Variants in SLC15A1 observed in about 807,000 individuals in gnomAD.
SLC15A1 encodes the protein solute carrier family 15 member 1, also known as Caco-2 oligopeptide transporter.
In SLC15A1, 83 loss-of-function variants were observed where a neutral mutation model predicts 92.9. The ratio of observed to expected loss-of-function variants is 0.89; its 90% confidence interval spans 0.75 to 1.07. SLC15A1 has a LOEUF of 1.07. Among genes scored for constraint, SLC15A1 ranks in the 50% least tolerant of loss-of-function variants. SLC15A1 has a pLI of 0.00. For synonymous variants in SLC15A1, 322 were observed against 318.2 expected (o/e 1.01, Z -0.13); for missense variants, 857 against 880.1 (o/e 0.97, Z 0.33).
intron 11 of SLC15A1, among the ~76,000 whole-genome samples, 180 bp from the exon 12 acceptor site, chr13:98,710,091 T>C (rs561206154): frequency 8.5e-5 from 13 of 152,196 alleles, no homozygotes; most frequent in Non-Finnish European, 1.8e-4. Flanking sequence ...AAGAAACCAG[T>C]TGCATTTCTA....
At position 98,702,492 on chromosome 13, in the gene SLC15A1, T is replaced by G; in HGVS notation, c.1454A>C (p.Glu485Ala). The G allele has an allele frequency of 6.2e-7, 1 of 1,608,134 alleles. No individual in the cohort carries two copies. The highest frequency in any genetic ancestry group is 8.5e-7 in the Non-Finnish European group (1 of 1,174,708). Reference sequence around the variant, plus strand: ...GAAATATACATACCTGATTCCATTTTCCCCTTTTTCTGGCTTCTGGTTAAG... The same window carrying G: ...GAAATATACATACCTGATTCCATTTGCCCCTTTTTCTGGCTTCTGGTTAAG... ...DGLNQKPEKG[E>A]NGIRFVNTFN... is the part of the protein sequence containing the mutation. The change falls in exon 18 of 23, where the codon GAA becomes GCA. Residue 485 changes from glutamate (E) to alanine (A), a missense_variant. Coordinates refer to ENST00000376503, the MANE Select transcript of SLC15A1 (RefSeq NM_005073.4).
intron 4 of SLC15A1, 43 bp from the exon 5 acceptor site, chr13:98,724,074 T>A: frequency 3.1e-6 from 5 of 1,609,760 alleles, no homozygotes; most frequent in Non-Finnish European, 3.4e-6. Context: ...AATTGCACAA[T>A]AGCCATCCAC....
chr13:98,718,549 T>C (rs1177953269), intron 8 of SLC15A1, among the ~76,000 whole-genome samples: 1 of 151,938 alleles, frequency 6.6e-6, no homozygotes, highest in Non-Finnish European at 1.5e-5. Flanking sequence ...AGGTGTTGTG[T>C]CTCATGCCTG....
At chr13:98,745,641 C>G (rs1350398426) in intron 1 of SLC15A1, among the ~76,000 whole-genome samples, 1 of 152,128 alleles carries the variant, frequency 6.6e-6, no homozygotes, top group African/African-American at 2.4e-5. Context: ...ACACCAGAAG[C>G]AAGAGAAAGG....
At chr13:98,686,331 G>T in intron 21 of SLC15A1, 34 bp from the exon 22 acceptor site, 1 of 1,448,336 alleles carries the variant, frequency 6.9e-7, no homozygotes, top group Non-Finnish European at 9.6e-7. Context: ...TCCTGCTCCA[G>T]GTCTCACCCT....
rs1350048273 is a variant in SLC15A1 at position 98,683,895 on chromosome 13, C to T, written c.*829G>A. 6.6e-6 allele frequency: 1 copy of T among 152,172 alleles called. No individual in the cohort carries two copies. The highest frequency in any genetic ancestry group is 1.5e-5 in the Non-Finnish European group (1 of 68,032). The allele number at this position is 152,172 out of a possible 1,614,324, so 9.4% of individuals were successfully genotyped here. The stretch of plus-strand genomic sequence containing the variant: ...TCTTTCGAGTTATCCATAATTTAAA[C>T]ACAGGTAGGGACTAGAAAAACAAAA... On this transcript the variant is annotated 3_prime_UTR_variant, in exon 23 of 23. Coordinates refer to ENST00000376503, the MANE Select transcript of SLC15A1 (RefSeq NM_005073.4).
At chr13:98,726,545 A>T in intron 2 of SLC15A1, 96 bp from the exon 3 acceptor site, 1 of 1,093,046 alleles carries the variant, frequency 9.1e-7, no homozygotes, top group Non-Finnish European at 1.4e-6. Flanking sequence ...GCCAACGCAG[A>T]TTCAGTAACT....
intron 9 of SLC15A1, among the ~76,000 whole-genome samples, chr13:98,714,059 GA>G (rs56096468): frequency 0.042 from 5,628 of 134,398 alleles, 296 homozygotes; most frequent in African/African-American, 0.13. Flanking sequence ...TCTCAAAAAG[GA>G]AAAAAAAAAA....
chr13:98,742,978 T>C (rs1190676683), intron 1 of SLC15A1, among the ~76,000 whole-genome samples: 1 of 152,148 alleles, frequency 6.6e-6, no homozygotes, highest in Non-Finnish European at 1.5e-5. Context: ...TCTGCTATGT[T>C]ACCCAGGCTG....
Position 98,728,997 on chromosome 13 carries a change from AAAAAAAAAAC to A in SLC15A1, c.5-2148_5-2139del, listed in dbSNP as rs1406722658. On this transcript the variant is annotated intron_variant, in intron 1 of 22. Coordinates refer to ENST00000376503, the MANE Select transcript of SLC15A1 (RefSeq NM_005073.4). The stretch of plus-strand genomic sequence containing the variant: ...CTCTGTAAAAAAAAAAAAAAAAAAA[AAAAAAAAAAC>A]AACAAGCCCCAAAACAAAAAACAAA... 2.6e-4 allele frequency among the ~76,000 whole-genome samples: 37 copies of A among 144,690 alleles called. 1 individual carries two copies. Among genetic ancestry groups the A allele is most frequent in the Middle Eastern group, 7.1e-3 (2 of 282 alleles). 94.9% of individuals were successfully genotyped at this position (144,690 alleles called of 152,430 possible).
intron 4 of SLC15A1, among the ~76,000 whole-genome samples, chr13:98,724,964 C>T (rs1379857265): frequency 6.6e-6 from 1 of 152,136 alleles, no homozygotes; most frequent in African/African-American, 2.4e-5. Context: ...GGAAGTGGGG[C>T]CTGGTGGGAG....
At position 98,706,249 on chromosome 13, in the gene SLC15A1, G is replaced by A; in HGVS notation, c.1154C>T (p.Thr385Ile). The A allele has an allele frequency of 1.2e-6, 2 of 1,611,888 alleles. No homozygotes were observed. The highest frequency in any genetic ancestry group is 8.5e-7 in the Non-Finnish European group (1 of 1,179,320). Residue 385 changes from threonine (T) to isoleucine (I), a missense_variant, in exon 16 of 23, where the codon ACT becomes ATT. Coordinates refer to ENST00000376503, the MANE Select transcript of SLC15A1 (RefSeq NM_005073.4). ...GTTTCCTTTGGGGAAGACTGGAAGA[G>A]TTTTCTGAGCAAAATAAAAGAAAAT... ...AAIVQVEIDK[T>I]LPVFPKGNEV...
At chr13:98,737,993 G>C (rs184173467) in intron 1 of SLC15A1, among the ~76,000 whole-genome samples, 11 of 152,318 alleles carry the variant, frequency 7.2e-5, no homozygotes, top group Non-Finnish European at 1.5e-5. Flanking sequence ...GGTCACTTTT[G>C]TTATGTCTTA....
chr13:98,708,403 C>G (rs979661951), intron 15 of SLC15A1, among the ~76,000 whole-genome samples: 2 of 152,138 alleles, frequency 1.3e-5, no homozygotes, highest in Non-Finnish European at 2.9e-5. Flanking sequence ...ACCAGATTCC[C>G]TGGGAGTTCA....
At chr13:98,707,713 G>C (rs2088123654) in intron 15 of SLC15A1, among the ~76,000 whole-genome samples, 1 of 151,734 alleles carries the variant, frequency 6.6e-6, no homozygotes, top group South Asian at 2.1e-4. Context: ...GCAACACAGG[G>C]GGACCCTGGC....
chr13:98,728,991 A>C (rs1414594949), intron 1 of SLC15A1, among the ~76,000 whole-genome samples: 2 of 146,682 alleles, frequency 1.4e-5, no homozygotes, highest in Admixed American at 6.9e-5. Context: ...AAAAAAAAAA[A>C]AAAAAAAAAA....
chr13:98,704,668 T>C (rs1437427561), intron 16 of SLC15A1, among the ~76,000 whole-genome samples: 1 of 152,166 alleles, frequency 6.6e-6, no homozygotes, highest in Non-Finnish European at 1.5e-5. Context: ...TCACCAAGCA[T>C]CTTACTTTTA....
intron 1 of SLC15A1, among the ~76,000 whole-genome samples, chr13:98,727,759 C>T (rs916663683): frequency 6.6e-5 from 10 of 152,202 alleles, no homozygotes; most frequent in African/African-American, 9.7e-5. Flanking sequence ...TGTGTTCATC[C>T]GTGTCTATCA....
At chr13:98,709,189 G>A (rs560494081) in intron 14 of SLC15A1, among the ~76,000 whole-genome samples, 2 of 152,004 alleles carry the variant, frequency 1.3e-5, no homozygotes, top group South Asian at 2.1e-4. Flanking sequence ...GGCTGGTCTC[G>A]AACTCCTGAC....
Sources: allele counts gnomAD v4.1 joint callset (sites outside exome capture counted in the v4.1 genomes callset), GRCh38; gene constraint gnomAD v4.1.1; transcripts MANE v1.5; gene names NCBI Gene and HGNC (gene_info 2026-07-23, HGNC 2026-07-21).